GRB2: variants seen among roughly 807,000 people sequenced by gnomAD.
GRB2 encodes growth factor receptor-bound protein 2.
In GRB2, 2 loss-of-function variants were observed where a neutral mutation model predicts 27.4. The ratio of observed to expected loss-of-function variants is 0.07; its 90% CI spans 0.03 to 0.23. The LOEUF (loss-of-function observed/expected upper bound fraction) is 0.23, where lower values mean the gene tolerates loss of function less well. GRB2 is among the 10% of genes least tolerant of loss of function. GRB2 has a pLI of 1.00. For missense variants in GRB2, 102 were observed against 282.4 expected, an observed-to-expected ratio of 0.36 and a Z score of 4.58; for synonymous variants, 94 against 99.6, an observed-to-expected ratio of 0.94 and a Z score of 0.33.
At chr17:75,398,102 C>T (rs1035251134) in intron 1 of GRB2, among the ~76,000 whole-genome samples, 8 of 151,654 alleles carry the variant, frequency 5.3e-5, no homozygotes, top group African/African-American at 1.9e-4. Flanking sequence ...GGATTACAGG[C>T]ATGAGCCACT....
chr17:75,397,686 C>T lies in GRB2; in HGVS notation c.-137-3921G>A, dbSNP rs72490453. ...TACAGTTGTGGGCAAAGTTGTGAAA[C>T]AAGCTCCAGTTTTCTCATCTGTAAA... On this transcript the variant is annotated intron_variant, in intron 1 of 5. Transcript: ENST00000316804. Among the ~76,000 whole-genome samples the T allele has an allele frequency of 6.0e-4, 91 of 152,242 alleles. No individual in the cohort carries two copies. The East Asian group carries it at 0.013, about 22-fold the overall frequency.
intron 2 of GRB2, among the ~76,000 whole-genome samples, chr17:75,334,352 T>A (rs377397022): frequency 1.2e-4 from 19 of 152,094 alleles, no homozygotes; most frequent in Admixed American, 7.2e-4. Context: ...TTGTATTTTT[T>A]AGTAGAGACG....
At chr17:75,340,098 G>T (rs947638648) in intron 2 of GRB2, among the ~76,000 whole-genome samples, 3 of 152,088 alleles carry the variant, frequency 2.0e-5, no homozygotes, top group Non-Finnish European at 2.9e-5. Flanking sequence ...TTTTTTAAAA[G>T]AAATAGGCTG....
chr17:75,390,590 A>G lies in GRB2; in HGVS notation c.78+2961T>C, dbSNP rs564413593. Among the ~76,000 whole-genome samples the G allele has an allele frequency of 2.9e-3, 441 of 152,354 alleles. 7 individuals carry two copies. The highest frequency in any genetic ancestry group is 0.01 in the African/African-American group (433 of 41,578). On this transcript the variant is annotated intron_variant, in intron 2 of 5. Coordinates refer to ENST00000316804, the MANE Select transcript of GRB2 (RefSeq NM_002086.5). ...ATAAGAGAGAGAAACAAAGGCAGAC[A>G]TATTGAACCATTCAACTCTATTTTA... is the stretch of plus-strand genomic sequence containing the variant.
chr17:75,354,675 G>T (rs762410626), intron 2 of GRB2, among the ~76,000 whole-genome samples: 1 of 152,132 alleles, frequency 6.6e-6, no homozygotes, highest in Non-Finnish European at 1.5e-5. Flanking sequence ...CTGGATTCAA[G>T]AATTGCTGGA....
At chr17:75,339,023 C>T in intron 2 of GRB2, 5 of 1,258,386 alleles carry the variant, frequency 4.0e-6, no homozygotes, top group South Asian at 2.4e-5. Flanking sequence ...ACAAAGAAGA[C>T]TGTGCTAAGG....
chr17:75,324,653 G>C (rs966247077), intron 4 of GRB2, among the ~76,000 whole-genome samples: 12 of 151,530 alleles, frequency 7.9e-5, no homozygotes, highest in African/African-American at 4.9e-5. Context: ...AAGTAGCTGG[G>C]ACTACAGGTG....
rs551746792 is a variant in GRB2 at position 75,345,034 on chromosome 17, T to A, written c.79-12237A>T. Among the ~76,000 whole-genome samples, 88 of 152,092 alleles carry A rather than the reference T, an allele frequency of 5.8e-4. No homozygotes were observed. In the South Asian group the frequency reaches 0.011, roughly 19 times the overall value. ...AATTAATGACAACAGAGGTTTTTTT[T>A]TAAATTTTATTTATTATTATTATTT... On this transcript the variant is annotated intron_variant, in intron 2 of 5. Coordinates refer to ENST00000316804, the MANE Select transcript of GRB2 (RefSeq NM_002086.5).
chr17:75,376,445 C>T (rs1008549510), intron 2 of GRB2, among the ~76,000 whole-genome samples: 2 of 145,476 alleles, frequency 1.4e-5, no homozygotes, highest in African/African-American at 5.0e-5. Context: ...CTCTTGAATG[C>T]GGGAGGTGGA....
At chr17:75,349,886 G>T (rs2078678792) in intron 2 of GRB2, among the ~76,000 whole-genome samples, 1 of 151,932 alleles carries the variant, frequency 6.6e-6, no homozygotes, top group Non-Finnish European at 1.5e-5. Flanking sequence ...TGGCAAAGAT[G>T]AAAATAAGTT....
At chr17:75,376,495 T>C (rs1181483226) in intron 2 of GRB2, among the ~76,000 whole-genome samples, 1 of 141,972 alleles carries the variant, frequency 7.0e-6, no homozygotes, top group East Asian at 2.1e-4. Flanking sequence ...CATTTCAGCC[T>C]GGGCAACAGA....
chr17:75,386,059 T>C (rs1313612662), intron 2 of GRB2, among the ~76,000 whole-genome samples: 1 of 152,224 alleles, frequency 6.6e-6, no homozygotes, highest in Non-Finnish European at 1.5e-5. Flanking sequence ...ATATACATAA[T>C]TGAAATAAAC....
At chr17:75,323,934 G>A (rs1163840884) in intron 4 of GRB2, among the ~76,000 whole-genome samples, 6 of 151,442 alleles carry the variant, frequency 4.0e-5, no homozygotes, top group African/African-American at 9.7e-5. Context: ...TTCAGCCTCC[G>A]GAGTAGCTGG....
At chr17:75,404,042 G>C (rs151243056) in intron 1 of GRB2, among the ~76,000 whole-genome samples, 1 of 151,752 alleles carries the variant, frequency 6.6e-6, no homozygotes, top group South Asian at 2.1e-4. Flanking sequence ...GAACCCAGGA[G>C]GCAGAGTTGC....
At chr17:75,370,518 C>T (rs939792702) in intron 2 of GRB2, among the ~76,000 whole-genome samples, 19 of 152,144 alleles carry the variant, frequency 1.2e-4, no homozygotes, top group Admixed American at 7.9e-4. Flanking sequence ...GAGGTCAGAA[C>T]GCGTCCCTGG....
intron 2 of GRB2, among the ~76,000 whole-genome samples, chr17:75,374,217 C>T (rs906938751): frequency 2.6e-5 from 4 of 151,324 alleles, no homozygotes; most frequent in Non-Finnish European, 5.9e-5. Context: ...ACCAGCCTGG[C>T]CATTATGGTT....
At chr17:75,358,340 CT>C in intron 2 of GRB2, among the ~76,000 whole-genome samples, 1 of 152,188 alleles carries the variant, frequency 6.6e-6, no homozygotes, top group Middle Eastern at 3.4e-3. Flanking sequence ...AGTTTTAAAA[CT>C]CCAATTCATG....
chr17:75,352,662 C>A (rs1320905225), intron 2 of GRB2, among the ~76,000 whole-genome samples: 1 of 152,174 alleles, frequency 6.6e-6, no homozygotes, highest in African/African-American at 2.4e-5. Flanking sequence ...GATATCCCTA[C>A]TGTTTGCAGC....
chr17:75,326,818 C>A (rs2078501349), intron 3 of GRB2, among the ~76,000 whole-genome samples: 1 of 152,180 alleles, frequency 6.6e-6, no homozygotes, highest in Non-Finnish European at 1.5e-5. Flanking sequence ...GAGAGGAACA[C>A]TTCTACAAGA....
Sources: allele counts gnomAD v4.1 joint callset (sites outside exome capture counted in the v4.1 genomes callset), GRCh38; gene constraint gnomAD v4.1.1; transcripts MANE v1.5; gene names NCBI Gene and HGNC (gene_info 2026-07-23, HGNC 2026-07-21).